The following SGK3 variants were observed in gnomAD, a reference collection of about 807,000 sequenced individuals.
The protein encoded by SGK3 is serum/glucocorticoid regulated kinase family member 3.
A neutral mutation model predicts 68.5 loss-of-function variants in SGK3; 47 were observed. The ratio of observed to expected loss-of-function variants is 0.69; its 90% confidence interval spans 0.54 to 0.87. The LOEUF (loss-of-function observed/expected upper bound fraction) is 0.87, where lower values mean the gene tolerates loss of function less well. Among genes scored for constraint, SGK3 ranks in the 40% least tolerant of loss-of-function variants. The probability of loss-of-function intolerance (pLI) is 0.00; values close to 1 mark genes in which losing one functional copy is unlikely to be tolerated. For missense variants in SGK3, 479 were observed against 575.5 expected (o/e 0.83, Z 1.72); for synonymous variants, 181 against 189.1 (o/e 0.96, Z 0.35).
At chr8:66,719,332 G>T (rs1804734788) in intron 1 of SGK3, among the ~76,000 whole-genome samples, 1 of 151,016 alleles carries the variant, frequency 6.6e-6, no homozygotes, top group Admixed American at 6.6e-5. Flanking sequence ...TTGTTTGTTT[G>T]TTTGTTTATC....
chr8:66,857,593 A>G (rs1810565184), intron 16 of SGK3, among the ~76,000 whole-genome samples: 1 of 151,890 alleles, frequency 6.6e-6, no homozygotes, highest in Non-Finnish European at 1.5e-5. Context: ...ACCAGCCTGG[A>G]CAACATGGTG....
chr8:66,823,101 G>A (rs1423426763), intron 6 of SGK3, among the ~76,000 whole-genome samples: 1 of 152,058 alleles, frequency 6.6e-6, no homozygotes, highest in Non-Finnish European at 1.5e-5. Flanking sequence ...CTAATGTATA[G>A]GGTTTTAAAA....
At chr8:66,757,129 A>ATTTT (rs796848968) in intron 1 of SGK3, among the ~76,000 whole-genome samples, 4 of 107,048 alleles carry the variant, frequency 3.7e-5, no homozygotes, top group Non-Finnish European at 5.9e-5. Flanking sequence ...CTCAGGCCCT[A>ATTTT]TTTTTTTTTT....
chr8:66,774,941 C>G (rs557100683), intron 1 of SGK3, among the ~76,000 whole-genome samples: 38 of 152,288 alleles, frequency 2.5e-4, no homozygotes, highest in African/African-American at 8.9e-4. Flanking sequence ...CTTCTCATTC[C>G]TTGCCCCCGC....
chr8:66,728,594 T>C (rs2130359097), intron 1 of SGK3, among the ~76,000 whole-genome samples: 1 of 152,268 alleles, frequency 6.6e-6, no homozygotes, highest in African/African-American at 2.4e-5. Context: ...CCAAAAGTGC[T>C]GGGATTACAG....
intron 8 of SGK3, among the ~76,000 whole-genome samples, chr8:66,833,209 T>C (rs1289389788): frequency 6.6e-6 from 1 of 152,222 alleles, no homozygotes; most frequent in Non-Finnish European, 1.5e-5. Flanking sequence ...TTTTACCATG[T>C]TGGCCAGGCT....
intron 3 of SGK3, among the ~76,000 whole-genome samples, chr8:66,801,176 A>AT (rs1360186900): frequency 2.6e-5 from 4 of 152,226 alleles, no homozygotes; most frequent in African/African-American, 9.6e-5. Flanking sequence ...TATTTGAGTT[A>AT]TACTTATCAG....
intron 1 of SGK3, among the ~76,000 whole-genome samples, chr8:66,720,496 G>T (rs1415266063): frequency 6.6e-6 from 1 of 152,074 alleles, no homozygotes; most frequent in Non-Finnish European, 1.5e-5. Flanking sequence ...TGGGCCAGGC[G>T]CAGTGGCTCA....
intron 1 of SGK3, among the ~76,000 whole-genome samples, chr8:66,723,129 A>ATGTTT (rs1289411840): frequency 2.5e-5 from 1 of 40,608 alleles, no homozygotes; most frequent in African/African-American, 9.2e-5. Context: ...ATATATATAT[A>ATGTTT]TATTTTTTTT....
chr8:66,721,727 G>T (rs1316039923), intron 1 of SGK3, among the ~76,000 whole-genome samples: 7 of 146,436 alleles, frequency 4.8e-5, no homozygotes, highest in Admixed American at 3.4e-4. Flanking sequence ...GCATTGTTTT[G>T]TGCTATTTTT....
chr8:66,796,537 A>G (rs1807703279), intron 2 of SGK3, among the ~76,000 whole-genome samples: 1 of 151,512 alleles, frequency 6.6e-6, no homozygotes, highest in Admixed American at 6.6e-5. Context: ...GGCTCAAGTG[A>G]TTCTCCTGCC....
At chr8:66,760,873 C>T (rs970055564) in intron 1 of SGK3, among the ~76,000 whole-genome samples, 1 of 151,578 alleles carries the variant, frequency 6.6e-6, no homozygotes, top group Non-Finnish European at 1.5e-5. Flanking sequence ...TGTACTAAGC[C>T]GGGCGTAGTG....
intron 8 of SGK3, among the ~76,000 whole-genome samples, chr8:66,834,672 G>A (rs117029680): frequency 0.031 from 4,698 of 152,018 alleles, 80 homozygotes; most frequent in Admixed American, 0.044. Flanking sequence ...CAAAGTGCAC[G>A]CCTGTAATCT....
chr8:66,796,455 A>G (rs113156160), intron 2 of SGK3, among the ~76,000 whole-genome samples: 18,978 of 144,110 alleles, frequency 0.13, 2,255 homozygotes, highest in African/African-American at 0.32. Context: ...ATGAGCCACC[A>G]CACCCAGCCT....
In SGK3 at chr8:66,807,870, C is replaced by G. The variant is rs1272370746; in HGVS notation, c.253+3423C>G. On this transcript the variant is annotated intron_variant, in intron 4 of 16. Transcript: ENST00000521198. Reference sequence around the variant, plus strand: ...CAATTTTTAACAGAAAAACTGGAAACAATGAAAATATTTTTCCAGTGGAGC... The same window carrying G: ...CAATTTTTAACAGAAAAACTGGAAAGAATGAAAATATTTTTCCAGTGGAGC... 5.9e-5 allele frequency among the ~76,000 whole-genome samples: 9 copies of G among 151,978 alleles called. No homozygotes were observed. In the East Asian group the frequency reaches 1.4e-3, roughly 23 times the overall value.
At chr8:66,725,172 T>C (rs1244362399) in intron 1 of SGK3, among the ~76,000 whole-genome samples, 1 of 151,874 alleles carries the variant, frequency 6.6e-6, no homozygotes, top group East Asian at 1.9e-4. Context: ...GAGCTTGCAG[T>C]GAGCCGAGAT....
chr8:66,725,735 A>G (rs776451813), intron 1 of SGK3, among the ~76,000 whole-genome samples: 15 of 152,064 alleles, frequency 9.9e-5, no homozygotes, highest in Admixed American at 3.9e-4. Context: ...GCACTCTCAA[A>G]TGCTGTGACT....
intron 5 of SGK3, among the ~76,000 whole-genome samples, chr8:66,819,965 G>A (rs56984521): frequency 6.9e-4 from 104 of 151,822 alleles, no homozygotes; most frequent in African/African-American, 2.3e-3. Flanking sequence ...CTACAGGTGC[G>A]TGCCACCACA....
chr8:66,824,911 G>T (rs1808990440), intron 6 of SGK3, among the ~76,000 whole-genome samples: 1 of 152,100 alleles, frequency 6.6e-6, no homozygotes, highest in South Asian at 2.1e-4. Context: ...TATTGGTAAG[G>T]TTATGGATTT....
Sources: allele counts gnomAD v4.1 joint callset (sites outside exome capture counted in the v4.1 genomes callset), GRCh38; gene constraint gnomAD v4.1.1; transcripts MANE v1.5; gene names NCBI Gene and HGNC (gene_info 2026-07-23, HGNC 2026-07-21).